The following BBS9 variants were observed in gnomAD, a reference collection of about 807,000 sequenced individuals.
BBS9 encodes protein PTHB1.
In BBS9, 89 loss-of-function variants were observed where a neutral mutation model predicts 117.7. The observed-to-expected ratio is 0.76, with a 90% CI of 0.64 to 0.90. The LOEUF is 0.90. Ranked by LOEUF, BBS9 falls within the 40% of genes least tolerant of loss-of-function variation. The pLI, the probability that BBS9 is intolerant of heterozygous loss-of-function variation, is 0.00. For missense variants in BBS9, 982 were observed against 1,042.2 expected (o/e 0.94, Z 0.80); for synonymous variants, 379 against 370.9 (o/e 1.02, Z -0.25).
intron 9 of BBS9, among the ~76,000 whole-genome samples, chr7:33,299,225 A>G (rs1031280640): frequency 1.3e-5 from 2 of 152,174 alleles, no homozygotes; most frequent in African/African-American, 4.8e-5. Context: ...AAGGATGGGT[A>G]CTGTATTTTG....
intron 21 of BBS9, among the ~76,000 whole-genome samples, chr7:33,564,102 A>G (rs1308271122): frequency 1.3e-5 from 2 of 152,156 alleles, no homozygotes; most frequent in East Asian, 3.9e-4. Context: ...TCTTCTTTTG[A>G]GCTATCACCT....
chr7:33,462,977 G>T (rs1315571898), intron 19 of BBS9, among the ~76,000 whole-genome samples: 1 of 152,060 alleles, frequency 6.6e-6, no homozygotes, highest in Non-Finnish European at 1.5e-5. Flanking sequence ...TAGGACTTAG[G>T]ACAGTAGGGA....
chr7:33,317,485 G>A (rs1273445221), intron 9 of BBS9, among the ~76,000 whole-genome samples: 5 of 151,970 alleles, frequency 3.3e-5, no homozygotes, highest in Non-Finnish European at 7.4e-5. Flanking sequence ...GTCTTTAAGG[G>A]TGTATCTTTT....
intron 10 of BBS9, among the ~76,000 whole-genome samples, chr7:33,340,111 A>G (rs996195543): frequency 1.3e-5 from 2 of 152,086 alleles, no homozygotes; most frequent in African/African-American, 2.4e-5. Context: ...TGGTAAAAAT[A>G]ATTCAGTACT....
chr7:33,424,621 T>TA (rs529600016), intron 19 of BBS9, among the ~76,000 whole-genome samples: 353 of 152,224 alleles, frequency 2.3e-3, no homozygotes, highest in African/African-American at 8.2e-3. Context: ...TAAAAATATC[T>TA]AAAAAAAGCA....
chr7:33,619,305 A>G (rs780878713), intron 21 of BBS9, among the ~76,000 whole-genome samples: 19 of 152,210 alleles, frequency 1.2e-4, no homozygotes, highest in Non-Finnish European at 2.2e-4. Flanking sequence ...TCAAGAAGGT[A>G]TAACGATTGT....
In BBS9 at chr7:33,571,772, C is replaced by G. The variant is rs912121064; in HGVS notation, c.2522-33093C>G. On this transcript the variant is annotated intron_variant, in intron 21 of 22. Transcript: ENST00000242067. ...CAGCATTCTGCTAAAAGAACCCTCT[C>G]TTTTTCAATATAAATGTTTAATTTT... is the stretch of plus-strand genomic sequence containing the variant. 1.1e-3 allele frequency among the ~76,000 whole-genome samples: 160 copies of G among 152,106 alleles called. 2 individuals are homozygous for G. Among genetic ancestry groups the G allele is most frequent in the African/African-American group, 3.8e-3 (157 of 41,528 alleles).
intron 9 of BBS9, among the ~76,000 whole-genome samples, chr7:33,330,827 CAGACCGATAATAATTCAG>C (rs1813880239): frequency 1.3e-5 from 2 of 152,294 alleles, no homozygotes; most frequent in Admixed American, 1.3e-4. Context: ...ATGCACTTCA[CAGACCGATAATAATTCAG>C]AGACCTTGAT....
intron 21 of BBS9, among the ~76,000 whole-genome samples, chr7:33,619,587 A>G (rs1404418449): frequency 2.0e-5 from 3 of 152,184 alleles, no homozygotes; most frequent in Non-Finnish European, 4.4e-5. Flanking sequence ...AACATTACCC[A>G]GGATAGATCA....
chr7:33,368,925 GA>G (rs1451610954), intron 17 of BBS9, among the ~76,000 whole-genome samples: 1 of 152,102 alleles, frequency 6.6e-6, no homozygotes, highest in Non-Finnish European at 1.5e-5. Flanking sequence ...ATAGGTCACA[GA>G]AATAACAACT....
chr7:33,321,996 T>G (rs1464110550), intron 9 of BBS9, among the ~76,000 whole-genome samples: 1 of 152,184 alleles, frequency 6.6e-6, no homozygotes, highest in Non-Finnish European at 1.5e-5. Flanking sequence ...GTTTTTGTCC[T>G]TCATTGTGTT....
At position 33,435,541 on chromosome 7, in the gene BBS9, C is replaced by T. The variant is rs533498603; in HGVS notation, c.2115+47397C>T. Among the ~76,000 whole-genome samples, 312 of 46,620 alleles carry T rather than the reference C, an allele frequency of 6.7e-3. 2 individuals are homozygous for T. Among genetic ancestry groups the T allele is most frequent in the African/African-American group, 0.035 (303 of 8,658 alleles). The allele number at this position is 46,620 out of a possible 152,430, so 30.6% of individuals were successfully genotyped here. A position where few individuals can be genotyped will look rare whatever the true frequency, so the allele number is the denominator to read the frequency against. ...TAGACCAAGGACTCTATTAAGTATG[C>T]AGCACTCAGAAAAGTAATGCCTTCA... On this transcript the variant is annotated intron_variant, in intron 19 of 22. Coordinates refer to ENST00000242067, the MANE Select transcript of BBS9 (RefSeq NM_198428.3).
At chr7:33,404,922 C>T (rs1306536794) in intron 19 of BBS9, among the ~76,000 whole-genome samples, 1 of 151,878 alleles carries the variant, frequency 6.6e-6, no homozygotes, top group Non-Finnish European at 1.5e-5. Flanking sequence ...TGTCTTGTGC[C>T]AGTTTTCAAA....
intron 21 of BBS9, among the ~76,000 whole-genome samples, chr7:33,625,569 G>T (rs1015556987): frequency 2.0e-5 from 3 of 152,000 alleles, no homozygotes; most frequent in Admixed American, 6.6e-5. Context: ...TATCACTGCT[G>T]GTGCAAGGGT....
intron 19 of BBS9, among the ~76,000 whole-genome samples, chr7:33,479,914 G>T (rs948762714): frequency 3.3e-5 from 5 of 152,076 alleles, no homozygotes; most frequent in South Asian, 4.1e-4. Context: ...TTTTAATGAG[G>T]TTGTTTGTTT....
At chr7:33,591,967 T>C (rs1167805026) in intron 21 of BBS9, among the ~76,000 whole-genome samples, 1 of 152,068 alleles carries the variant, frequency 6.6e-6, no homozygotes, top group Non-Finnish European at 1.5e-5. Flanking sequence ...TATCCGTGGT[T>C]TCATTTTAAA....
At chr7:33,247,078 ATG>A (rs139817337) in intron 5 of BBS9, among the ~76,000 whole-genome samples, 4 of 151,242 alleles carry the variant, frequency 2.6e-5, no homozygotes, top group African/African-American at 7.3e-5. Context: ...GTGTATATGT[ATG>A]TGTGTGTGTG....
chr7:33,510,815 A>G (rs760097203), intron 20 of BBS9, among the ~76,000 whole-genome samples: 4 of 152,208 alleles, frequency 2.6e-5, no homozygotes, highest in Non-Finnish European at 5.9e-5. Flanking sequence ...GCATAGCACT[A>G]TCAGTCGTCA....
intron 5 of BBS9, among the ~76,000 whole-genome samples, chr7:33,228,546 C>A (rs1350171290): frequency 1.3e-5 from 2 of 151,960 alleles, no homozygotes. Context: ...GTCAAATATC[C>A]ACGTATAACT....
Sources: allele counts gnomAD v4.1 joint callset (sites outside exome capture counted in the v4.1 genomes callset), GRCh38; gene constraint gnomAD v4.1.1; transcripts MANE v1.5; gene names NCBI Gene and HGNC (gene_info 2026-07-23, HGNC 2026-07-21).